The following EPC2 variants were observed in gnomAD, a reference collection of about 807,000 sequenced individuals.
EPC2 encodes enhancer of polycomb 2.
EPC2 carries 14 observed loss-of-function variants against 92.1 expected under a neutral mutation model. The observed-to-expected ratio is 0.15, with a 90% CI of 0.10 to 0.24. EPC2 has a LOEUF of 0.24. Among genes scored for constraint, EPC2 ranks in the 10% least tolerant of loss-of-function variants. The probability of loss-of-function intolerance (pLI) is 1.00; values close to 1 mark genes in which losing one functional copy is unlikely to be tolerated. For missense variants in EPC2, 755 were observed against 971.5 expected, an observed-to-expected ratio of 0.78 and a Z score of 2.96; for synonymous variants, 340 against 334.7, an observed-to-expected ratio of 1.02 and a Z score of -0.17.
At chr2:148,765,571 G>A (rs1683391082) in intron 7 of EPC2, among the ~76,000 whole-genome samples, 1 of 152,054 alleles carries the variant, frequency 6.6e-6, no homozygotes, top group African/African-American at 2.4e-5. Flanking sequence ...AACTTTTAAT[G>A]TAAACTTTGC....
At chr2:148,700,746 T>C (rs543523671) in intron 2 of EPC2, among the ~76,000 whole-genome samples, 8 of 152,006 alleles carry the variant, frequency 5.3e-5, no homozygotes, top group African/African-American at 1.9e-4. Flanking sequence ...GCCTTTTTTC[T>C]TCTTTACTCT....
intron 2 of EPC2, among the ~76,000 whole-genome samples, chr2:148,709,849 A>G (rs1020462542): frequency 6.6e-6 from 1 of 152,374 alleles, no homozygotes; most frequent in South Asian, 2.1e-4. Context: ...AGTTAATTCA[A>G]GATGGATTAA....
intron 2 of EPC2, among the ~76,000 whole-genome samples, chr2:148,712,939 G>C (rs1682180946): frequency 6.6e-6 from 1 of 151,046 alleles, no homozygotes; most frequent in Non-Finnish European, 1.5e-5. Context: ...GCTCACACCG[G>C]TAATCACTTT....
intron 4 of EPC2, among the ~76,000 whole-genome samples, chr2:148,759,907 G>A (rs941726851): frequency 2.0e-5 from 3 of 152,112 alleles, no homozygotes; most frequent in African/African-American, 7.2e-5. Context: ...AAAAGGACAA[G>A]ACTGGGGAAA....
Position 148,703,080 on chromosome 2 carries a change from G to A in EPC2, c.313+12707G>A, listed in dbSNP as rs182660846. ...CTGTTTTTAAGGAACTTAAAATACA[G>A]GATTTTATTTGTTCATCTTAAGGCA... is the stretch of plus-strand genomic sequence containing the variant. On this transcript the variant is annotated intron_variant, in intron 2 of 13. Transcript: ENST00000258484. 2.1e-3 allele frequency among the ~76,000 whole-genome samples: 318 copies of A among 152,230 alleles called. 3 individuals are homozygous for A. The highest frequency in any genetic ancestry group is 6.8e-3 in the Middle Eastern group (2 of 294).
chr2:148,721,712 C>CTTTTTTTTTTTTTTTTTTTTTTT (rs34017461), intron 2 of EPC2, among the ~76,000 whole-genome samples: 1 of 111,534 alleles, frequency 9.0e-6, no homozygotes, highest in Non-Finnish European at 1.9e-5. Flanking sequence ...CTGTTTTATT[C>CTTTTTTTTTTTTTTTTTTTTTTT]TTTTTTTTTT....
At chr2:148,756,784 TC>T (rs1328906337) in intron 4 of EPC2, among the ~76,000 whole-genome samples, 1 of 152,192 alleles carries the variant, frequency 6.6e-6, no homozygotes, top group Non-Finnish European at 1.5e-5. Context: ...GAGAGGAAAT[TC>T]CCAGCGTAGT....
At chr2:148,649,729 TATACTC>T (rs1680630051) in intron 1 of EPC2, among the ~76,000 whole-genome samples, 1 of 152,236 alleles carries the variant, frequency 6.6e-6, no homozygotes. Flanking sequence ...CACAAAAGCA[TATACTC>T]ATAGTCACCA....
At chr2:148,662,185 G>T (rs1353035827) in intron 1 of EPC2, among the ~76,000 whole-genome samples, 2 of 152,188 alleles carry the variant, frequency 1.3e-5, no homozygotes, top group Non-Finnish European at 1.5e-5. Flanking sequence ...TGGAGAGGAT[G>T]TGGAGAAATA....
At chr2:148,700,690 C>CTT (rs77147387) in intron 2 of EPC2, among the ~76,000 whole-genome samples, 48 of 139,858 alleles carry the variant, frequency 3.4e-4, no homozygotes, top group South Asian at 1.1e-3. Context: ...GCCCTTTTTA[C>CTT]TTTTTTTTTT....
At chr2:148,656,038 G>GGGGTT (rs1680791156) in intron 1 of EPC2, among the ~76,000 whole-genome samples, 3 of 63,068 alleles carry the variant, frequency 4.8e-5, no homozygotes, top group Admixed American at 2.1e-4. Context: ...GGGGGGGGGG[G>GGGGTT]TTATTCTAGA....
intron 6 of EPC2, among the ~76,000 whole-genome samples, chr2:148,763,220 T>G (rs571637167): frequency 1.2e-4 from 19 of 152,296 alleles, no homozygotes; most frequent in Middle Eastern, 3.4e-3. Context: ...TATTGAAAAT[T>G]ATTATTGTCA....
At chr2:148,747,140 C>T (rs373633121) in intron 3 of EPC2, among the ~76,000 whole-genome samples, 3 of 151,882 alleles carry the variant, frequency 2.0e-5, no homozygotes, top group African/African-American at 4.8e-5. Flanking sequence ...ATTGAACACC[C>T]GATTTTTAGT....
At chr2:148,708,077 A>G (rs998491566) in intron 2 of EPC2, among the ~76,000 whole-genome samples, 1 of 152,198 alleles carries the variant, frequency 6.6e-6, no homozygotes, top group Non-Finnish European at 1.5e-5. Context: ...TTTTGAAAAG[A>G]TCAACAAAAT....
chr2:148,734,771 A>G (rs1023341912), intron 2 of EPC2, among the ~76,000 whole-genome samples: 1 of 151,600 alleles, frequency 6.6e-6, no homozygotes, highest in African/African-American at 2.4e-5. Flanking sequence ...AGTGAAATCT[A>G]CAGTATGTAT....
At chr2:148,668,926 T>A (rs1174413184) in intron 1 of EPC2, among the ~76,000 whole-genome samples, 1 of 152,150 alleles carries the variant, frequency 6.6e-6, no homozygotes, top group African/African-American at 2.4e-5. Context: ...TTTCTTAGAG[T>A]TTATTTTGTT....
intron 1 of EPC2, among the ~76,000 whole-genome samples, chr2:148,663,498 G>A (rs551738604): frequency 1.3e-5 from 2 of 151,154 alleles, no homozygotes; most frequent in East Asian, 3.9e-4. Context: ...GATTACAGGC[G>A]TGAGCCACTG....
At chr2:148,715,850 C>A (rs1201465093) in intron 2 of EPC2, among the ~76,000 whole-genome samples, 2 of 152,188 alleles carry the variant, frequency 1.3e-5, no homozygotes, top group African/African-American at 4.8e-5. Flanking sequence ...TCTTCCCACC[C>A]ATGAACATGG....
At chr2:148,725,288 C>G (rs532584357) in intron 2 of EPC2, among the ~76,000 whole-genome samples, 1 of 152,096 alleles carries the variant, frequency 6.6e-6, no homozygotes, top group East Asian at 1.9e-4. Context: ...TGAATTCTAT[C>G]TACTGTTCTC....
Sources: gnomAD v4.1 joint callset for allele counts (sites outside exome capture counted in the v4.1 genomes callset) on GRCh38, gnomAD v4.1.1 for gene constraint, MANE v1.5 for transcripts, NCBI Gene and HGNC (gene_info 2026-07-23, HGNC 2026-07-21) for gene names.